GALNT10: variants seen among roughly 807,000 people sequenced by gnomAD.
GALNT10 encodes the protein polypeptide N-acetylgalactosaminyltransferase 10, also known as GalNAc transferase 10.
Under a neutral mutation model 75.0 loss-of-function variants are expected in GALNT10, and 41 were observed. The observed-to-expected ratio is 0.55, with a 90% CI of 0.43 to 0.71. GALNT10 has a LOEUF of 0.71. Among genes scored for constraint, GALNT10 ranks in the 30% least tolerant of loss-of-function variants. GALNT10 has a pLI of 0.00. For synonymous variants in GALNT10, 302 were observed against 313.0 expected (o/e 0.96, Z 0.37); for missense variants, 727 against 818.5 (o/e 0.89, Z 1.36).
chr5:154,394,899 G>A (rs770246273), intron 7 of GALNT10, among the ~76,000 whole-genome samples: 13 of 152,258 alleles, frequency 8.5e-5, no homozygotes, highest in Middle Eastern at 6.8e-3. Flanking sequence ...CAGCATTTTC[G>A]TCCTGGGGCC....
intron 4 of GALNT10, among the ~76,000 whole-genome samples, chr5:154,373,569 G>GA (rs1402967067): frequency 6.6e-6 from 1 of 152,130 alleles, no homozygotes; most frequent in African/African-American, 2.4e-5. Context: ...TAATATAGAT[G>GA]AAATAGGGAG....
At chr5:154,220,127 T>C (rs1477651172) in intron 1 of GALNT10, 5 of 152,220 alleles carry the variant, frequency 3.3e-5, no homozygotes, top group Admixed American at 3.3e-4. Context: ...ACGTACATAA[T>C]TTTTTAAACA....
At chr5:154,394,309 GAA>G (rs1755969745) in intron 7 of GALNT10, among the ~76,000 whole-genome samples, 1 of 132,820 alleles carries the variant, frequency 7.5e-6, no homozygotes, top group African/African-American at 2.8e-5. Flanking sequence ...CAGGCTACGT[GAA>G]CAGACTTAAA....
At chr5:154,379,548 C>G (rs964683695) in intron 5 of GALNT10, among the ~76,000 whole-genome samples, 1 of 152,206 alleles carries the variant, frequency 6.6e-6, no homozygotes, top group Non-Finnish European at 1.5e-5. Context: ...CACTTGTCTC[C>G]CACAGCAGAT....
chr5:154,265,311 G>A (rs746087694), intron 1 of GALNT10, among the ~76,000 whole-genome samples: 1 of 152,142 alleles, frequency 6.6e-6, no homozygotes, highest in Non-Finnish European at 1.5e-5. Context: ...CAGTAGACCT[G>A]GAAGGGACCT....
intron 7 of GALNT10, among the ~76,000 whole-genome samples, chr5:154,398,738 G>C (rs56226096): frequency 0.032 from 4,881 of 152,218 alleles, 227 homozygotes; most frequent in African/African-American, 0.11. Context: ...CCTGCCCCCT[G>C]TTCCACAAAT....
chr5:154,305,129 A>C (rs1754412483), intron 3 of GALNT10, among the ~76,000 whole-genome samples: 1 of 151,974 alleles, frequency 6.6e-6, no homozygotes, highest in Non-Finnish European at 1.5e-5. Context: ...CCCATTTCTA[A>C]AATTAAAAAA....
In GALNT10 at chr5:154,409,472, C is replaced by A; in HGVS notation, c.1165-69C>A. ...GGGTTGACCTCGACCTGCCAGGACC[C>A]TTTTCACCCCACTGCCTGGCTTTGG... On this transcript the variant is annotated intron_variant, in intron 8 of 11. Transcript: ENST00000297107. This position sits in a 1 kb window ranked among gnomAD's most constrained non-coding sequence, Gnocchi z 4.5. 9.8e-7 allele frequency: 1 copy of A among 1,025,534 alleles called. No individual in the cohort carries two copies. The highest frequency in any genetic ancestry group is 1.6e-6 in the Non-Finnish European group (1 of 642,018). The allele number at this position is 1,025,534 out of a possible 1,614,324, so 63.5% of individuals were successfully genotyped here.
chr5:154,264,480 T>C (rs1443391704), intron 1 of GALNT10, among the ~76,000 whole-genome samples: 2 of 152,180 alleles, frequency 1.3e-5, no homozygotes, highest in African/African-American at 4.8e-5. Context: ...AGCATTATGA[T>C]ATCTGCAGTT....
chr5:154,307,006 AG>A, intron 3 of GALNT10, among the ~76,000 whole-genome samples: 3 of 152,284 alleles, frequency 2.0e-5, no homozygotes, highest in African/African-American at 7.2e-5. Context: ...CTAACCAGCT[AG>A]AAAAAGAGAA....
chr5:154,259,290 TTC>T (rs1267946110), intron 1 of GALNT10, among the ~76,000 whole-genome samples: 1 of 152,194 alleles, frequency 6.6e-6, no homozygotes, highest in African/African-American at 2.4e-5. Context: ...TTGTCTGATG[TTC>T]TCTCATGATT....
chr5:154,195,688 A>G (rs538020060), intron 1 of GALNT10, among the ~76,000 whole-genome samples: 4 of 152,334 alleles, frequency 2.6e-5, no homozygotes, highest in African/African-American at 9.6e-5. Context: ...AGGAACGCAG[A>G]TCAGAATCCA....
At chr5:154,330,937 G>GTGTGTA (rs1754852914) in intron 4 of GALNT10, among the ~76,000 whole-genome samples, 2 of 34,556 alleles carry the variant, frequency 5.8e-5, no homozygotes, top group Non-Finnish European at 1.3e-4. Context: ...GTGTGTGTGT[G>GTGTGTA]TTTGTGTGTG....
At chr5:154,281,176 G>T (rs1238405319) in intron 1 of GALNT10, among the ~76,000 whole-genome samples, 1 of 152,150 alleles carries the variant, frequency 6.6e-6, no homozygotes, top group Non-Finnish European at 1.5e-5. Context: ...TAACAATATT[G>T]AGTCTTCTGA....
chr5:154,352,836 T>C lies in GALNT10; in HGVS notation c.568+23098T>C, dbSNP rs1382850312. On this transcript the variant is annotated intron_variant, in intron 4 of 11. Coordinates refer to ENST00000297107, the MANE Select transcript of GALNT10 (RefSeq NM_198321.4). The surrounding 1 kb of genome is among the most constrained non-coding windows in gnomAD (Gnocchi z 4.4). ...ACCTTGACCACCCCGCGGTCTTGCA[T>C]CGGGACATGGCTATGGCAGGGAAGA... is the stretch of plus-strand genomic sequence containing the variant. Among the ~76,000 whole-genome samples, 1 of 152,202 alleles carries C rather than the reference T, an allele frequency of 6.6e-6. No homozygotes were observed. Among genetic ancestry groups the C allele is most frequent in the Non-Finnish European group, 1.5e-5 (1 of 68,040 alleles).
At chr5:154,262,959 A>G (rs1397808992) in intron 1 of GALNT10, among the ~76,000 whole-genome samples, 1 of 133,618 alleles carries the variant, frequency 7.5e-6, no homozygotes, top group Non-Finnish European at 1.8e-5. Context: ...TGGTTTGAGA[A>G]AAAAAAAGCT....
chr5:154,416,960 C>T lies in GALNT10; in HGVS notation c.1800C>T (p.Phe600=), dbSNP rs751387119. 2 of 1,614,156 alleles carry T rather than the reference C, an allele frequency of 1.2e-6. No individual in the cohort carries two copies. Among genetic ancestry groups the T allele is most frequent in the Admixed American group, 3.3e-5 (2 of 60,026 alleles). ...EHTNSTVLEK[F]NRN is the part of the protein sequence containing the mutation. ...CCAACTCAACAGTCTTGGAAAAATT[C>T]AATAGGAACTGAGCCCTCATGTCCC... Residue 600 remains phenylalanine (F), a synonymous_variant, in exon 12 of 12, where the codon TTC becomes TTT. Transcript: ENST00000297107. This position sits in a 1 kb window ranked among gnomAD's most constrained non-coding sequence, Gnocchi z 4.5.
intron 1 of GALNT10, among the ~76,000 whole-genome samples, chr5:154,226,124 A>C (rs966765016): frequency 6.6e-6 from 1 of 152,146 alleles, no homozygotes; most frequent in Non-Finnish European, 1.5e-5. Context: ...CATAAAACTT[A>C]AAGTATAATA....
chr5:154,274,265 G>T (rs1753916214), intron 1 of GALNT10, among the ~76,000 whole-genome samples: 1 of 152,130 alleles, frequency 6.6e-6, no homozygotes, highest in Non-Finnish European at 1.5e-5. Flanking sequence ...AACAATTCCA[G>T]GTAAAACTGA....
Sources: gnomAD v4.1 joint callset for allele counts (sites outside exome capture counted in the v4.1 genomes callset) on GRCh38, gnomAD v4.1.1 for gene constraint, Gnocchi (gnomAD v3.1) non-coding constraint, MANE v1.5 for transcripts, NCBI Gene and HGNC (gene_info 2026-07-23, HGNC 2026-07-21) for gene names.